Variants in CFAP96 observed in about 807,000 individuals in gnomAD.
CFAP96 encodes cilia and flagella associated protein 96.
At chr4:185,417,841 T>G in the CFAP96 span, among the ~76,000 whole-genome samples, 1 of 152,034 alleles carries the variant, frequency 6.6e-6, no homozygotes, top group East Asian at 1.9e-4. Flanking sequence ...GTCAGGAGTT[T>G]GAGACCAGCG....
the CFAP96 span, among the ~76,000 whole-genome samples, chr4:185,442,781 T>G: frequency 6.6e-6 from 1 of 152,168 alleles, no homozygotes; most frequent in Non-Finnish European, 1.5e-5. Flanking sequence ...ACGCTGAATT[T>G]TATCAAATGG....
At chr4:185,420,025 T>A in the CFAP96 span, among the ~76,000 whole-genome samples, 1 of 152,208 alleles carries the variant, frequency 6.6e-6, no homozygotes, top group Non-Finnish European at 1.5e-5. Flanking sequence ...TATATTCCCA[T>A]CAGTAATCTA....
At chr4:185,447,384 G>A in the CFAP96 span, among the ~76,000 whole-genome samples, 1 of 152,036 alleles carries the variant, frequency 6.6e-6, no homozygotes, top group African/African-American at 2.4e-5. Flanking sequence ...GTTTCACTGT[G>A]TTAGCCAGGA....
chr4:185,432,215 G>T, the CFAP96 span: 1 of 1,542,840 alleles, frequency 6.5e-7, no homozygotes. Flanking sequence ...AGTGTTTTTT[G>T]GGAAAAGTCT....
the CFAP96 span, among the ~76,000 whole-genome samples, chr4:185,413,180 C>G: frequency 1.3e-5 from 2 of 151,906 alleles, no homozygotes; most frequent in Non-Finnish European, 2.9e-5. Flanking sequence ...TGGCAGGTGC[C>G]TGTAACCCTA....
the CFAP96 span, among the ~76,000 whole-genome samples, chr4:185,448,872 G>A: frequency 3.9e-5 from 6 of 152,158 alleles, no homozygotes; most frequent in African/African-American, 1.4e-4. Context: ...TAGAACTTTG[G>A]AACAGGGAGA....
chr4:185,420,409 A>G, the CFAP96 span, among the ~76,000 whole-genome samples: 1 of 152,212 alleles, frequency 6.6e-6, no homozygotes, highest in Non-Finnish European at 1.5e-5. Flanking sequence ...CAATCTTTCA[A>G]TACTCATCTT....
At chr4:185,424,178 G>T in the CFAP96 span, among the ~76,000 whole-genome samples, 2 of 150,780 alleles carry the variant, frequency 1.3e-5, no homozygotes, top group Admixed American at 1.3e-4. Context: ...GTGGTGGTCT[G>T]CACCTGTAGT....
chr4:185,448,550 C>G, the CFAP96 span, among the ~76,000 whole-genome samples: 1 of 152,128 alleles, frequency 6.6e-6, no homozygotes, highest in East Asian at 1.9e-4. Context: ...ACCACGATTC[C>G]CCTAGATATT....
the CFAP96 span, among the ~76,000 whole-genome samples, chr4:185,447,540 G>A: frequency 2.0e-5 from 3 of 152,140 alleles, no homozygotes; most frequent in African/African-American, 2.4e-5. Context: ...TGCATAAAGC[G>A]TTTGTCAAGT....
At chr4:185,415,352 G>T in the CFAP96 span, 6 of 1,565,230 alleles carry the variant, frequency 3.8e-6, no homozygotes, top group South Asian at 6.1e-5. Context: ...CGAACTCTGT[G>T]GGGGGAAATA....
chr4:185,449,523 A>C, the CFAP96 span: 1 of 391,686 alleles, frequency 2.6e-6, no homozygotes, highest in Non-Finnish European at 3.7e-6. Context: ...ACCCGGTCTT[A>C]AAAAAAAAAA....
chr4:185,414,890 A>G, the CFAP96 span, among the ~76,000 whole-genome samples: 1 of 152,214 alleles, frequency 6.6e-6, no homozygotes, highest in Admixed American at 6.5e-5. Flanking sequence ...TTATGGAAAA[A>G]TATTAAAATT....
the CFAP96 span, among the ~76,000 whole-genome samples, chr4:185,447,419 A>T: frequency 1.1e-4 from 16 of 152,170 alleles, no homozygotes; most frequent in African/African-American, 3.4e-4. Context: ...TGACCTCGTG[A>T]TCCACCCACC....
At chr4:185,435,839 A>AT in the CFAP96 span, among the ~76,000 whole-genome samples, 1 of 150,358 alleles carries the variant, frequency 6.7e-6, no homozygotes, top group Non-Finnish European at 1.5e-5. Flanking sequence ...ATGCAGTTCT[A>AT]TTTTTTGTAG....
At chr4:185,435,332 T>G in the CFAP96 span, among the ~76,000 whole-genome samples, 1 of 152,236 alleles carries the variant, frequency 6.6e-6, no homozygotes, top group African/African-American at 2.4e-5. Context: ...CAGTGTCAAG[T>G]TTTGATAGTA....
At chr4:185,433,677 G>A in the CFAP96 span, among the ~76,000 whole-genome samples, 17 of 152,014 alleles carry the variant, frequency 1.1e-4, no homozygotes, top group Non-Finnish European at 1.9e-4. Context: ...CGAGGCGGGC[G>A]GATCACCTGA....
the CFAP96 span, among the ~76,000 whole-genome samples, chr4:185,441,095 C>T: frequency 6.6e-6 from 1 of 152,012 alleles, no homozygotes; most frequent in Non-Finnish European, 1.5e-5. Context: ...AGATTACAGG[C>T]ATGTGCTACC....
At chr4:185,447,391 A>G in the CFAP96 span, among the ~76,000 whole-genome samples, 15 of 152,196 alleles carry the variant, frequency 9.9e-5, no homozygotes, top group Non-Finnish European at 1.6e-4. Flanking sequence ...TGTGTTAGCC[A>G]GGATGGACTT....
Sources: gnomAD v4.1 joint callset for allele counts (sites outside exome capture counted in the v4.1 genomes callset) on GRCh38, gnomAD v4.1.1 for gene constraint, MANE v1.5 for transcripts, NCBI Gene and HGNC (gene_info 2026-07-23, HGNC 2026-07-21) for gene names.